Variants in CES5A observed in about 807,000 individuals in gnomAD.
The protein encoded by CES5A is carboxylesterase 5.
A neutral mutation model predicts 62.9 loss-of-function variants in CES5A; 67 were observed. The observed-to-expected ratio is 1.07, with a 90% CI of 0.88 to 1.31. CES5A has a LOEUF of 1.31. Among genes scored for constraint, CES5A ranks in the 50% most tolerant of loss-of-function variants. The pLI is 0.00. For synonymous variants in CES5A, 296 were observed against 280.8 expected (o/e 1.05, Z -0.54); for missense variants, 748 against 708.5 (o/e 1.06, Z -0.63).
intron 1 of CES5A, among the ~76,000 whole-genome samples, chr16:55,901,883 C>A (rs1189349230): frequency 6.6e-6 from 1 of 152,168 alleles, no homozygotes; most frequent in African/African-American, 2.4e-5. Context: ...AATTACATTG[C>A]AGCTGTGCTG....
chr16:55,886,890 C>A (rs1391420421), intron 1 of CES5A, among the ~76,000 whole-genome samples: 1 of 152,034 alleles, frequency 6.6e-6, no homozygotes, highest in African/African-American at 2.4e-5. Context: ...ATCACATCAA[C>A]AAAATGGAGC....
Position 55,866,456 on chromosome 16 carries a change from T to C in CES5A, c.552-340A>G, listed in dbSNP as rs558084501. Among the ~76,000 whole-genome samples, 4 of 151,970 alleles carry C rather than the reference T, an allele frequency of 2.6e-5. No individual in the cohort carries two copies. The South Asian group carries it at 8.3e-4, about 32-fold the overall frequency. ...AATCCATGAATCCATTCCTGAGAGG[T>C]GATCTGTACTAGAAAGCAAGAAGTT... On this transcript the variant is annotated intron_variant, in intron 4 of 12. Coordinates refer to ENST00000290567, the MANE Select transcript of CES5A (RefSeq NM_001143685.2).
chr16:55,935,104 G>A (rs2034358564), intron 2 of CES5A, among the ~76,000 whole-genome samples: 1 of 152,126 alleles, frequency 6.6e-6, no homozygotes, highest in South Asian at 2.1e-4. Context: ...CACCACGCTT[G>A]GCTAATTTTT....
In CES5A at chr16:55,871,775, A is replaced by G; in HGVS notation, c.279-12T>C. On this transcript the variant is annotated splice_polypyrimidine_tract_variant and intron_variant, in intron 2 of 12. Coordinates refer to ENST00000290567, the MANE Select transcript of CES5A (RefSeq NM_001143685.2). ...AGTTCTGGAGGCACCTTGGAGAAGGAGAGGAGAAAACCCTCAGAAAAAGTT... is the reference window on the plus strand; with the variant it reads ...AGTTCTGGAGGCACCTTGGAGAAGGGGAGGAGAAAACCCTCAGAAAAAGTT... 6.2e-7 allele frequency: 1 copy of G among 1,613,324 alleles called. No individual in the cohort carries two copies. Among genetic ancestry groups the G allele is most frequent in the Non-Finnish European group, 8.5e-7 (1 of 1,179,402 alleles).
At chr16:55,872,909 C>T (rs923758101) in intron 2 of CES5A, among the ~76,000 whole-genome samples, 1 of 152,182 alleles carries the variant, frequency 6.6e-6, no homozygotes, top group African/African-American at 2.4e-5. Context: ...ACCCCTGCGG[C>T]GTCCCCAAGC....
Position 55,895,459 on chromosome 16 carries a change from C to T in CES5A, c.-255-21422G>A, listed in dbSNP as rs148505915. Among the ~76,000 whole-genome samples, 29 of 152,322 alleles carry T rather than the reference C, an allele frequency of 1.9e-4. No homozygotes were observed. The East Asian group carries it at 2.3e-3, about 12-fold the overall frequency. On this transcript the variant is annotated intron_variant, in intron 1 of 12. Coordinates refer to the CES5A transcript ENST00000518005. ...CACACGGAGTCAAAGGAGATTATTC[C>T]GGAGCTTTCAGATGTAACATCTCCC...
intron 2 of CES5A, among the ~76,000 whole-genome samples, chr16:55,942,744 A>G (rs75737475): frequency 6.6e-6 from 1 of 152,352 alleles, no homozygotes; most frequent in African/African-American, 2.4e-5. Flanking sequence ...TGCAGTCTTA[A>G]TCATAATATC....
chr16:55,870,761 C>T (rs1362877975), intron 3 of CES5A, among the ~76,000 whole-genome samples: 3 of 151,868 alleles, frequency 2.0e-5, no homozygotes, highest in Admixed American at 1.3e-4. Flanking sequence ...GAACATAAAA[C>T]ATTCAAATGG....
intron 2 of CES5A, among the ~76,000 whole-genome samples, chr16:55,943,651 C>CTTT (rs2034466625): frequency 1.3e-5 from 2 of 152,236 alleles, no homozygotes; most frequent in Non-Finnish European, 2.9e-5. Flanking sequence ...TTTTCCTTTG[C>CTTT]ATAGCTTTGT....
At chr16:55,929,386 G>A (rs1322106020), upstream of CES5A, among the ~76,000 whole-genome samples, 2 of 152,168 alleles carry the variant, frequency 1.3e-5, no homozygotes, top group Admixed American at 1.3e-4. Context: ...CCCAGAAGAG[G>A]GGGCGAGCAG....
At chr16:55,851,975 C>T (rs1356465499) in intron 10 of CES5A, among the ~76,000 whole-genome samples, 1 of 152,074 alleles carries the variant, frequency 6.6e-6, no homozygotes, top group South Asian at 2.1e-4. Context: ...CATTGAGTAA[C>T]TAAAGTCACT....
intron 10 of CES5A, 128 bp from the exon 11 acceptor site, chr16:55,849,901 C>G: frequency 2.1e-6 from 2 of 943,618 alleles, no homozygotes; most frequent in Middle Eastern, 3.4e-4. Context: ...AGCTCACTTC[C>G]CCCTTCCTCA....
upstream of CES5A, among the ~76,000 whole-genome samples, chr16:55,878,248 G>C (rs576752420): frequency 3.4e-4 from 52 of 152,174 alleles, no homozygotes; most frequent in African/African-American, 1.2e-3. Context: ...GCCCACTTTT[G>C]AATTCTCATA....
intron 1 of CES5A, among the ~76,000 whole-genome samples, chr16:55,918,988 T>C (rs2034174471): frequency 6.6e-6 from 1 of 152,238 alleles, no homozygotes; most frequent in Admixed American, 6.5e-5. Context: ...AGAGGATCTA[T>C]GGGTCTATCC....
intron 1 of CES5A, among the ~76,000 whole-genome samples, chr16:55,886,250 G>A (rs1381856449): frequency 6.6e-6 from 1 of 152,196 alleles, no homozygotes; most frequent in Non-Finnish European, 1.5e-5. Flanking sequence ...GTGAGCTGAG[G>A]TAAAGACATA....
intron 1 of CES5A, among the ~76,000 whole-genome samples, chr16:55,887,829 T>C (rs1482273115): frequency 2.6e-5 from 4 of 152,014 alleles, no homozygotes; most frequent in African/African-American, 9.7e-5. Context: ...AGTATGAAAA[T>C]ATGTTGCAAG....
chr16:55,933,535 T>C (rs979470069), intron 2 of CES5A, among the ~76,000 whole-genome samples: 31 of 152,196 alleles, frequency 2.0e-4, no homozygotes, highest in African/African-American at 7.2e-4. Flanking sequence ...TCCATCTTAG[T>C]TGGTGAAAAT....
At chr16:55,886,515 G>A (rs529795058) in intron 1 of CES5A, among the ~76,000 whole-genome samples, 6 of 152,232 alleles carry the variant, frequency 3.9e-5, no homozygotes, top group African/African-American at 7.2e-5. Context: ...CTTGCACAAC[G>A]AACCCATGAA....
At chr16:55,948,484 T>C (rs75721582) in intron 2 of CES5A, among the ~76,000 whole-genome samples, 1,772 of 152,284 alleles carry the variant, frequency 0.012, 60 homozygotes, top group East Asian at 0.099. Context: ...GTAAAATTTC[T>C]AGTCTCCTCT....
Sources: gnomAD v4.1 joint callset for allele counts (sites outside exome capture counted in the v4.1 genomes callset) on GRCh38, gnomAD v4.1.1 for gene constraint, MANE v1.5 for transcripts, NCBI Gene and HGNC (gene_info 2026-07-23, HGNC 2026-07-21) for gene names.